Variants in IGFL2 observed in about 807,000 individuals in gnomAD.
IGFL2 encodes IGF like family member 2.
Under a neutral mutation model 13.9 loss-of-function variants are expected in IGFL2, and 7 were observed. The ratio of observed to expected loss-of-function variants is 0.51; its 90% CI spans 0.29 to 0.95. IGFL2 has a LOEUF of 0.95. IGFL2 is among the 40% of genes least tolerant of loss of function. The pLI is 0.08. For missense variants in IGFL2, 138 were observed against 147.8 expected (o/e 0.93, Z 0.34); for synonymous variants, 55 against 55.8 (o/e 0.99, Z 0.07).
chr19:46,140,016 C>T (rs2146798207), upstream of IGFL2, among the ~76,000 whole-genome samples: 1 of 152,166 alleles, frequency 6.6e-6, no homozygotes, highest in African/African-American at 2.4e-5. Flanking sequence ...GTGACATGAT[C>T]TCAGCTCATT....
chr19:46,106,306 G>T, the IGFL2 span, among the ~76,000 whole-genome samples: 1 of 152,146 alleles, frequency 6.6e-6, no homozygotes, highest in African/African-American at 2.4e-5. Flanking sequence ...TGTAGGGTGG[G>T]CTATAAAGGA....
the IGFL2 span, among the ~76,000 whole-genome samples, chr19:46,194,040 C>T: frequency 6.6e-6 from 1 of 152,130 alleles, no homozygotes. Context: ...AGATTCCAGT[C>T]TTCCTCATCT....
chr19:46,206,609 C>G, the IGFL2 span: 1 of 152,034 alleles, frequency 6.6e-6, no homozygotes, highest in South Asian at 2.1e-4. Flanking sequence ...CTGTGACTTG[C>G]TAGGAAGCAC....
chr19:46,103,004 G>A, the IGFL2 span, among the ~76,000 whole-genome samples: 3 of 152,188 alleles, frequency 2.0e-5, no homozygotes, highest in Non-Finnish European at 2.9e-5. Flanking sequence ...CCTGGATGCA[G>A]TTTTGTATGA....
chr19:46,153,817 GTA>G (rs373971338), intron 1 of IGFL2, among the ~76,000 whole-genome samples: 4,025 of 145,138 alleles, frequency 0.028, 80 homozygotes, highest in Middle Eastern at 0.04. Context: ...TTATATATGT[GTA>G]TATATATATA....
chr19:46,172,978 G>C, the IGFL2 span, among the ~76,000 whole-genome samples: 2 of 152,150 alleles, frequency 1.3e-5, no homozygotes, highest in Non-Finnish European at 2.9e-5. Context: ...TTGATCCTTG[G>C]TATTTATAGC....
chr19:46,098,563 C>T, the IGFL2 span, among the ~76,000 whole-genome samples: 1 of 148,104 alleles, frequency 6.8e-6, no homozygotes, highest in South Asian at 2.1e-4. Flanking sequence ...CACTGCACTT[C>T]TGCCTCTTGG....
chr19:46,124,415 T>A, the IGFL2 span: 1 of 1,389,298 alleles, frequency 7.2e-7, no homozygotes, highest in Non-Finnish European at 1.0e-6. Context: ...TAGGGTGGTT[T>A]AAAGGTGGAG....
At chr19:46,163,440 G>A (rs531429474), downstream of IGFL2, among the ~76,000 whole-genome samples, 243 of 152,330 alleles carry the variant, frequency 1.6e-3, no homozygotes, top group South Asian at 2.9e-3. Flanking sequence ...CATCTGTGCC[G>A]TGGGTCCATG....
the IGFL2 span, among the ~76,000 whole-genome samples, chr19:46,185,520 G>A: frequency 6.6e-6 from 1 of 152,326 alleles, no homozygotes; most frequent in South Asian, 2.1e-4. Flanking sequence ...AAAGGTGGGG[G>A]CTCTAGAGTG....
At chr19:46,172,035 A>G in the IGFL2 span, among the ~76,000 whole-genome samples, 1 of 152,148 alleles carries the variant, frequency 6.6e-6, no homozygotes, top group Non-Finnish European at 1.5e-5. Context: ...AAAAGGTCTT[A>G]TTTTTGCTTT....
chr19:46,113,518 T>C, the IGFL2 span: 224 of 347,418 alleles, frequency 6.4e-4, 2 homozygotes, highest in South Asian at 5.5e-3. Flanking sequence ...GATTTATCTT[T>C]AACCTCAGTT....
At chr19:46,165,177 A>G (rs1027737165), downstream of IGFL2, among the ~76,000 whole-genome samples, 7 of 152,226 alleles carry the variant, frequency 4.6e-5, no homozygotes, top group African/African-American at 1.7e-4. Context: ...TGGGTGTTCT[A>G]GGGCAGGGAC....
chr19:46,093,093 A>G, the IGFL2 span, among the ~76,000 whole-genome samples: 1 of 152,206 alleles, frequency 6.6e-6, no homozygotes, highest in Non-Finnish European at 1.5e-5. Context: ...ACAACTAAAT[A>G]TTTAGTAGAA....
intron 1 of IGFL2, among the ~76,000 whole-genome samples, chr19:46,156,438 G>A (rs914536218): frequency 6.6e-6 from 1 of 152,136 alleles, no homozygotes; most frequent in Non-Finnish European, 1.5e-5. Flanking sequence ...AAGTTCTAAA[G>A]TATTGAAGTT....
the IGFL2 span, among the ~76,000 whole-genome samples, chr19:46,192,313 T>C: frequency 6.6e-6 from 1 of 152,336 alleles, no homozygotes; most frequent in African/African-American, 2.4e-5. Flanking sequence ...TCAATAATTG[T>C]AAAGAGTTAT....
the IGFL2 span, among the ~76,000 whole-genome samples, chr19:46,129,356 T>TGTCTCC: frequency 6.6e-6 from 1 of 151,284 alleles, no homozygotes. Context: ...TGTGTGTCTC[T>TGTCTCC]GTCTCCTTCA....
chr19:46,107,716 G>T, the IGFL2 span, among the ~76,000 whole-genome samples: 1 of 152,298 alleles, frequency 6.6e-6, no homozygotes, highest in African/African-American at 2.4e-5. Flanking sequence ...CTTTTGTGGG[G>T]TTTGAGGGCC....
the IGFL2 span, among the ~76,000 whole-genome samples, chr19:46,079,235 G>A: frequency 6.6e-6 from 1 of 152,260 alleles, no homozygotes; most frequent in Admixed American, 6.5e-5. Context: ...GGGCGTTCTG[G>A]ACAATTGGGA....
Sources: gnomAD v4.1 joint callset for allele counts (sites outside exome capture counted in the v4.1 genomes callset) on GRCh38, gnomAD v4.1.1 for gene constraint, MANE v1.5 for transcripts, NCBI Gene and HGNC (gene_info 2026-07-23, HGNC 2026-07-21) for gene names.